KNL1: variants seen among roughly 807,000 people sequenced by gnomAD.
KNL1 encodes the protein kinetochore scaffold 1.
KNL1 carries 66 observed loss-of-function variants against 201.3 expected under a neutral mutation model. That is an observed-to-expected ratio of 0.33 (90% CI 0.27 to 0.40). The LOEUF is 0.40. Among genes scored for constraint, KNL1 ranks in the 10% least tolerant of loss-of-function variants. KNL1 has a pLI of 1.00. For synonymous variants in KNL1, 895 were observed against 899.2 expected (o/e 1.00, Z 0.08); for missense variants, 2,815 against 2,690.5 (o/e 1.05, Z -1.02).
rs1422176016 is a variant in KNL1, at chr15:40,629,308, C to G, written c.5619C>G (p.Phe1873Leu). The change falls in exon 13 of 26, where the codon TTC becomes TTG. Residue 1873 changes from phenylalanine (F) to leucine (L), a missense_variant. By Grantham distance (22) the Phe-to-Leu change is conservative (BLOSUM62 0). Around this residue, in one of 3 missense-constraint regions of KNL1, gnomAD observed 2,464 missense variants for 2,291.7 expected, o/e 1.08. Coordinates refer to ENST00000399668, the MANE Select transcript of KNL1 (RefSeq NM_144508.5). ...LQDGRITIRE[F>L]FILLQVHILI... The stretch of plus-strand genomic sequence containing the variant: ...ATGGGAGAATAACAATAAGGGAGTT[C>G]TTTATACTTCTCCAGGTCCACATCT... 6.2e-7 allele frequency: 1 copy of G among 1,602,476 alleles called. No homozygotes were observed. Among genetic ancestry groups the G allele is most frequent in the African/African-American group, 1.4e-5 (1 of 74,060 alleles).
At chr15:40,646,449 A>G (rs968122551) in intron 16 of KNL1, among the ~76,000 whole-genome samples, 1 of 151,932 alleles carries the variant, frequency 6.6e-6, no homozygotes, top group African/African-American at 2.4e-5. Flanking sequence ...ATTTTATTAA[A>G]TTTATAAAAT....
chr15:40,659,498 C>T, intron 25 of KNL1, 37 bp downstream of exon 25: 2 of 1,575,086 alleles, frequency 1.3e-6, no homozygotes, highest in Non-Finnish European at 1.7e-6. Flanking sequence ...CTCTGGGCTA[C>T]TTCTTTTTTT....
intron 17 of KNL1, among the ~76,000 whole-genome samples, chr15:40,648,247 A>G (rs1442181518): frequency 1.3e-5 from 2 of 152,088 alleles, no homozygotes; most frequent in African/African-American, 2.4e-5. Context: ...AGCCTGGGCA[A>G]CAGAGTGAGG....
chr15:40,600,321 C>T (rs1187326545), intron 1 of KNL1, among the ~76,000 whole-genome samples: 1 of 152,216 alleles, frequency 6.6e-6, no homozygotes, highest in African/African-American at 2.4e-5. Flanking sequence ...GTGATCCATC[C>T]ACCTTGGCCT....
At chr15:40,603,772 G>A (rs143121275) in intron 2 of KNL1, among the ~76,000 whole-genome samples, 1 of 152,246 alleles carries the variant, frequency 6.6e-6, no homozygotes, top group Non-Finnish European at 1.5e-5. Context: ...TGCAGAGCAG[G>A]GCTACTCTGT....
intron 7 of KNL1, among the ~76,000 whole-genome samples, chr15:40,614,807 C>G (rs1056596334): frequency 6.6e-6 from 1 of 152,100 alleles, no homozygotes; most frequent in Non-Finnish European, 1.5e-5. Flanking sequence ...CTTTCATGTA[C>G]TTTTTGTTTT....
chr15:40,620,198 T>C (rs535188866), intron 9 of KNL1, among the ~76,000 whole-genome samples: 3 of 150,384 alleles, frequency 2.0e-5, no homozygotes, highest in Non-Finnish European at 3.0e-5. Flanking sequence ...CGTGAGCCAC[T>C]GTGCCTAGCC....
In KNL1 at chr15:40,622,989, T is replaced by C. The variant is rs1228829475; in HGVS notation, c.2725T>C (p.Cys909Arg). 6.2e-7 allele frequency: 1 copy of C among 1,613,992 alleles called. No individual in the cohort carries two copies. Among genetic ancestry groups the C allele is most frequent in the South Asian group, 1.1e-5 (1 of 91,072 alleles). ...AACTTCTGAAACTATTTTATATACA[T>C]GTAGGCAGGATGACATGGAGATCAC... ...AGTSETILYT[C>R]RQDDMEITRS... The change falls in exon 10 of 26, where the codon TGT becomes CGT. Residue 909 changes from cysteine (C) to arginine (R), a missense_variant. Cys to Arg is a radical substitution (Grantham distance 180). Transcript: ENST00000399668.
Position 40,625,377 on chromosome 15 carries a change from C to T in KNL1, c.5113C>T (p.Leu1705=), listed in dbSNP as rs775002750. The change falls in exon 10 of 26, where the codon CTA becomes TTA. Residue 1705 remains leucine (L), a synonymous_variant. Coordinates refer to ENST00000399668, the MANE Select transcript of KNL1 (RefSeq NM_144508.5). The part of the protein sequence containing the change: ...GIGSVAGKLN[L]SPSQYINEEN... ...TGGATCTGTTGCAGGTAAACTGAAC[C>T]TAAGTCCTTCTCAATATATAAATGA... The T allele has an allele frequency of 1.2e-6, 2 of 1,613,964 alleles. No individual in the cohort carries two copies. The highest frequency in any genetic ancestry group is 2.2e-5 in the South Asian group (2 of 91,066).
At chr15:40,648,222 T>G (rs1401484973) in intron 17 of KNL1, among the ~76,000 whole-genome samples, 1 of 152,126 alleles carries the variant, frequency 6.6e-6, no homozygotes, top group Non-Finnish European at 1.5e-5. Flanking sequence ...CTTAAACACC[T>G]TAAACTGTGA....
rs1892606475 is a variant in KNL1, at chr15:40,623,196, T to A, written c.2932T>A (p.Ser978Thr). 6.2e-7 allele frequency: 1 copy of A among 1,613,902 alleles called. No individual in the cohort carries two copies. The highest frequency in any genetic ancestry group is 1.3e-5 in the African/African-American group (1 of 75,002). The stretch of plus-strand genomic sequence containing the variant: ...AACAGACAGACCTAACTTTGAACTA[T>A]CCCAAAGGAAAAGCCTAGGAACACC... ...ERTDRPNFEL[S>T]QRKSLGTPTV... Residue 978 changes from serine (S) to threonine (T), a missense_variant, in exon 10 of 26, where the codon TCC (serine) becomes ACC (threonine). Around this residue, in one of 3 missense-constraint regions of KNL1, gnomAD observed 2,464 missense variants for 2,291.7 expected, o/e 1.08. Coordinates refer to ENST00000399668, the MANE Select transcript of KNL1 (RefSeq NM_144508.5).
At chr15:40,628,942 A>G (rs765845406) in intron 12 of KNL1, among the ~76,000 whole-genome samples, 1 of 152,178 alleles carries the variant, frequency 6.6e-6, no homozygotes, top group Non-Finnish European at 1.5e-5. Context: ...CTGAGGGAAG[A>G]GAATCACTTG....
chr15:40,646,884 G>A, intron 16 of KNL1, 103 bp from the exon 17 acceptor site: 2 of 428,762 alleles, frequency 4.7e-6, no homozygotes. Context: ...AAAAAGATTT[G>A]CCTGTTTGTG....
intron 21 of KNL1, among the ~76,000 whole-genome samples, chr15:40,653,592 A>G (rs1179175977): frequency 6.6e-6 from 1 of 152,186 alleles, no homozygotes; most frequent in African/African-American, 2.4e-5. Flanking sequence ...ACTGGACTTT[A>G]TGGATCTTCT....
chr15:40,617,616 G>A (rs1223909094), intron 8 of KNL1, among the ~76,000 whole-genome samples: 2 of 152,184 alleles, frequency 1.3e-5, no homozygotes, highest in African/African-American at 2.4e-5. Context: ...TAAGGAGTTA[G>A]TCAGATGTTC....
chr15:40,611,021 T>C, intron 6 of KNL1: 2 of 304,912 alleles, frequency 6.6e-6, no homozygotes, highest in South Asian at 5.1e-5. Flanking sequence ...ATGCTAGGAT[T>C]ACAGGCGTGA....
Position 40,661,770 on chromosome 15 carries a change from C to T in KNL1, c.6837-304C>T, listed in dbSNP as rs11858938. On this transcript the variant is annotated intron_variant, in intron 25 of 25. Transcript: ENST00000399668. ...AAAAATTGATTAACCTGGCTGGGCG[C>T]GGTGGCTCACGCCTGTAATCCCAGC... Among the ~76,000 whole-genome samples the T allele has an allele frequency of 0.38, 57,906 of 150,810 alleles. 11,270 individuals are homozygous for T. Among genetic ancestry groups the T allele is most frequent in the Middle Eastern group, 0.48 (138 of 290 alleles).
chr15:40,628,638 A>T lies in KNL1; in HGVS notation c.5543A>T (p.Gln1848Leu). ...TACCGCAGTAGTCAAATGGAATCACAGTTTCTCAGAGATACTATTTGTGAA... is the reference window on the plus strand; with the variant it reads ...TACCGCAGTAGTCAAATGGAATCACTGTTTCTCAGAGATACTATTTGTGAA... ...STYRSSQMES[Q>L]FLRDTICEES... Residue 1848 changes from glutamine (Q) to leucine (L), a missense_variant, in exon 12 of 26, where the codon CAG becomes CTG. Physicochemically the swap from Gln to Leu is moderately radical, Grantham distance 113. Around this residue, in one of 3 missense-constraint regions of KNL1, gnomAD observed 2,464 missense variants for 2,291.7 expected, o/e 1.08. Transcript: ENST00000399668. 1 of 1,602,864 alleles carries T rather than the reference A, an allele frequency of 6.2e-7. No homozygotes were observed. The highest frequency in any genetic ancestry group is 8.5e-7 in the Non-Finnish European group (1 of 1,173,454).
In KNL1 at chr15:40,651,465, T is replaced by C; in HGVS notation, c.6213-6T>C. On this transcript the variant is annotated splice_polypyrimidine_tract_variant and splice_region_variant and intron_variant, in intron 19 of 25. Transcript: ENST00000399668. ...TATCTCTCTGAATACCTGCTTTTAT[T>C]TGCAGAAATCTCTTAGAACTGGAGG... The C allele has an allele frequency of 6.3e-7, 1 of 1,582,894 alleles. No homozygotes were observed. The highest frequency in any genetic ancestry group is 8.6e-7 in the Non-Finnish European group (1 of 1,166,828).
Sources: allele counts gnomAD v4.1 joint callset (sites outside exome capture counted in the v4.1 genomes callset), GRCh38; gene constraint gnomAD v4.1.1; regional missense constraint gnomAD v4.1.1; transcripts MANE v1.5; gene names NCBI Gene and HGNC (gene_info 2026-07-23, HGNC 2026-07-21).